The following FKBP11 variants were observed in gnomAD, a reference collection of about 807,000 sequenced individuals.
FKBP11 encodes the protein peptidyl-prolyl cis-trans isomerase FKBP11.
FKBP11 carries 21 observed loss-of-function variants against 24.7 expected under a neutral mutation model. The ratio of observed to expected loss-of-function variants is 0.85; its 90% CI spans 0.60 to 1.23. The LOEUF is 1.23. FKBP11 is among the 50% of genes most tolerant of loss of function. FKBP11 has a pLI of 0.00. For synonymous variants in FKBP11, 106 were observed against 100.6 expected (o/e 1.05, Z -0.32); for missense variants, 245 against 248.7 (o/e 0.99, Z 0.10).
chr12:48,935,018 CAAAAAAAAAAA>C, the FKBP11 span, among the ~76,000 whole-genome samples: 11 of 87,514 alleles, frequency 1.3e-4, no homozygotes, highest in East Asian at 2.1e-3. Flanking sequence ...AATTCCGTCT[CAAAAAAAAAAA>C]AAAAAAAAAA....
At chr12:48,924,304 A>G (rs753398083) in intron 3 of FKBP11, 48 bp from the exon 4 acceptor site, 1 of 1,611,350 alleles carries the variant, frequency 6.2e-7, no homozygotes, top group Admixed American at 1.7e-5. Flanking sequence ...ACCTTCCCCA[A>G]ATCCCATGAC....
At chr12:48,924,143 G>C in intron 4 of FKBP11, 80 bp downstream of exon 4, 1 of 1,534,404 alleles carries the variant, frequency 6.5e-7, no homozygotes, top group East Asian at 2.2e-5. Flanking sequence ...ACATTCTCCT[G>C]CTTAAGGAGT....
At chr12:48,927,880 CA>C (rs1271984519), upstream of FKBP11, among the ~76,000 whole-genome samples, 1 of 151,940 alleles carries the variant, frequency 6.6e-6, no homozygotes, top group Non-Finnish European at 1.5e-5. Context: ...GATTGCCTAC[CA>C]CCAGACACTT....
chr12:48,926,161 TCTC>T (rs1645952677), upstream of FKBP11: 1 of 151,898 alleles, frequency 6.6e-6, no homozygotes, highest in Non-Finnish European at 1.5e-5. Context: ...CTATTTCCTT[TCTC>T]CTTTCATCAA....
At chr12:48,932,113 C>A in the FKBP11 span, among the ~76,000 whole-genome samples, 1 of 147,144 alleles carries the variant, frequency 6.8e-6, no homozygotes, top group Non-Finnish European at 1.5e-5. Context: ...GAGTTTGAAA[C>A]CAGCTTGGGC....
At chr12:48,936,262 C>T in the FKBP11 span, 2 of 152,606 alleles carry the variant, frequency 1.3e-5, no homozygotes, top group African/African-American at 4.8e-5. Flanking sequence ...CGTTATCCCA[C>T]ATTTTGAGCA....
At chr12:48,938,850 G>A in the FKBP11 span, 1 of 1,489,280 alleles carries the variant, frequency 6.7e-7, no homozygotes, top group Non-Finnish European at 9.1e-7. Flanking sequence ...CCAGGGCCCT[G>A]GCCACACTTG....
the FKBP11 span, among the ~76,000 whole-genome samples, chr12:48,935,018 CAAAAAAAAAAAAAA>C: frequency 2.3e-5 from 2 of 87,514 alleles, no homozygotes; most frequent in South Asian, 8.7e-4. Flanking sequence ...AATTCCGTCT[CAAAAAAAAAAAAAA>C]AAAAAAAGAA....
chr12:48,937,109 C>T, the FKBP11 span: 5 of 152,596 alleles, frequency 3.3e-5, no homozygotes, highest in Non-Finnish European at 5.9e-5. Context: ...CTGGGTAACA[C>T]ATCACTAAGT....
upstream of FKBP11, chr12:48,926,541 G>GA (rs1939971104): frequency 2.9e-5 from 1 of 34,302 alleles, no homozygotes. Context: ...TTTTTTTTTT[G>GA]AGGGGGAGGA....
the FKBP11 span, among the ~76,000 whole-genome samples, chr12:48,934,155 T>G: frequency 2.6e-5 from 4 of 152,198 alleles, no homozygotes; most frequent in African/African-American, 9.7e-5. Flanking sequence ...AAGTGGTGTA[T>G]GCAGTGAATC....
upstream of FKBP11, chr12:48,925,679 C>T: frequency 3.6e-6 from 2 of 550,352 alleles, no homozygotes; most frequent in East Asian, 5.9e-5. Context: ...ACGTTCTGTC[C>T]TATAACGTGG....
intron 5 of FKBP11, 147 bp downstream of exon 5, chr12:48,923,634 GC>G: frequency 1.3e-6 from 2 of 1,562,072 alleles, no homozygotes; most frequent in Non-Finnish European, 1.7e-6. Context: ...GAAAAAGGTG[GC>G]CCTGTAGATG....
the FKBP11 span, among the ~76,000 whole-genome samples, chr12:48,933,734 G>A: frequency 6.6e-6 from 1 of 151,502 alleles, no homozygotes; most frequent in Non-Finnish European, 1.5e-5. Flanking sequence ...GAGTTGTGGT[G>A]TGCACTCATA....
intron 5 of FKBP11, chr12:48,922,550 G>A (rs908310298): frequency 6.9e-6 from 7 of 1,017,370 alleles, no homozygotes; most frequent in Non-Finnish European, 5.9e-6. Flanking sequence ...ATAACCACAC[G>A]GATAGAGTCT....
the FKBP11 span, chr12:48,938,433 C>T: frequency 2.2e-6 from 1 of 453,104 alleles, no homozygotes; most frequent in East Asian, 7.0e-5. Flanking sequence ...CCTCCCCGCT[C>T]CCCCCGGCCC....
At chr12:48,924,764 T>C in intron 2 of FKBP11, 116 bp from the exon 3 acceptor site, 1 of 1,518,032 alleles carries the variant, frequency 6.6e-7, no homozygotes, top group Non-Finnish European at 8.8e-7. Context: ...CAGCCTAGCG[T>C]TCCCCTTACC....
the FKBP11 span, chr12:48,936,168 C>T: frequency 3.9e-5 from 6 of 152,544 alleles, no homozygotes; most frequent in African/African-American, 1.4e-4. Flanking sequence ...ACTACTGTCC[C>T]ACGGCTGCTG....
the FKBP11 span, chr12:48,931,475 T>G: frequency 6.5e-7 from 1 of 1,535,784 alleles, no homozygotes; most frequent in Non-Finnish European, 8.7e-7. Flanking sequence ...TGGATCAAGT[T>G]AGAAGAAATC....
Sources: allele counts gnomAD v4.1 joint callset (sites outside exome capture counted in the v4.1 genomes callset), GRCh38; gene constraint gnomAD v4.1.1; transcripts MANE v1.5; gene names NCBI Gene and HGNC (gene_info 2026-07-23, HGNC 2026-07-21).